The following ARID3B variants were observed in gnomAD, a reference collection of about 807,000 sequenced individuals.
ARID3B encodes AT-rich interaction domain 3B.
ARID3B carries 10 observed loss-of-function variants against 51.9 expected under a neutral mutation model. That is an observed-to-expected ratio of 0.19 (90% CI 0.12 to 0.33). The LOEUF (loss-of-function observed/expected upper bound fraction) is 0.33. ARID3B is among the 10% of genes least tolerant of loss of function. The pLI, the probability that ARID3B is intolerant of heterozygous loss-of-function variation, is 1.00. For synonymous variants in ARID3B, 205 were observed against 279.5 expected (o/e 0.73, Z 2.66); for missense variants, 483 against 716.3 (o/e 0.67, Z 3.72).
At chr15:74,562,363 A>T (rs918975428) in intron 2 of ARID3B, among the ~76,000 whole-genome samples, 7 of 151,450 alleles carry the variant, frequency 4.6e-5, no homozygotes, top group African/African-American at 1.7e-4. Flanking sequence ...CTAGTCTCGA[A>T]CTCCTGTCCT....
chr15:74,590,645 C>T (rs1282374548), intron 5 of ARID3B, among the ~76,000 whole-genome samples: 1 of 152,176 alleles, frequency 6.6e-6, no homozygotes, highest in Non-Finnish European at 1.5e-5. Context: ...GAAGAGTATG[C>T]AATGAACAAC....
chr15:74,593,014 A>G, intron 7 of ARID3B, 124 bp from the exon 8 acceptor site: 1 of 720,152 alleles, frequency 1.4e-6, no homozygotes, highest in East Asian at 2.8e-5. Flanking sequence ...ACTCAGGAGA[A>G]GGTTACATAG....
chr15:74,548,794 A>G (rs1384256781), intron 2 of ARID3B, among the ~76,000 whole-genome samples: 1 of 152,198 alleles, frequency 6.6e-6, no homozygotes, highest in Non-Finnish European at 1.5e-5. Flanking sequence ...CTCCATGACA[A>G]ATGGGAAGAA....
In ARID3B at chr15:74,551,151, C is replaced by T. The variant is rs556789712; in HGVS notation, c.552+6663C>T. Among the ~76,000 whole-genome samples, 52 of 152,276 alleles carry T rather than the reference C, an allele frequency of 3.4e-4. No homozygotes were observed. The Middle Eastern group carries it at 0.01, about 30-fold the overall frequency. The stretch of plus-strand genomic sequence containing the variant: ...TGAAAATAGTTTACATATAAGTGGA[C>T]CCAGGCAGTTCAAATCCACGTTGAA... On this transcript the variant is annotated intron_variant, in intron 2 of 8. Transcript: ENST00000346246.
At chr15:74,580,197 C>CA (rs1450411520) in intron 4 of ARID3B, among the ~76,000 whole-genome samples, 1 of 152,042 alleles carries the variant, frequency 6.6e-6, no homozygotes, top group Non-Finnish European at 1.5e-5. Context: ...AAATAAAAAA[C>CA]AAAAAACGTG....
At chr15:74,549,439 G>A (rs748894417) in intron 2 of ARID3B, among the ~76,000 whole-genome samples, 1 of 65,130 alleles carries the variant, frequency 1.5e-5, no homozygotes, top group Non-Finnish European at 2.9e-5. Flanking sequence ...GGTGGCACAC[G>A]CCTGTAGTCC....
chr15:74,577,349 G>A (rs1024819049), intron 4 of ARID3B, among the ~76,000 whole-genome samples: 15 of 151,918 alleles, frequency 9.9e-5, no homozygotes, highest in South Asian at 6.2e-4. Flanking sequence ...CAGCTACCCA[G>A]GAGGCTGAGT....
rs1192576452 is a variant in ARID3B at position 74,591,544 on chromosome 15, T to C, written c.1166-16T>C. ...AGGGTCAATTGTGGATTGGTCCAGCTCCAGTTCCTTTGCAGGTGATGGAGC... is the reference window on the plus strand; with the variant it reads ...AGGGTCAATTGTGGATTGGTCCAGCCCCAGTTCCTTTGCAGGTGATGGAGC... On this transcript the variant is annotated splice_polypyrimidine_tract_variant and intron_variant, in intron 6 of 8. Transcript: ENST00000346246. The surrounding 1 kb of genome is among the most constrained non-coding windows in gnomAD (Gnocchi z 5.8). The C allele has an allele frequency of 1.9e-6, 3 of 1,609,590 alleles. No individual in the cohort carries two copies. Among genetic ancestry groups the C allele is most frequent in the Non-Finnish European group, 2.5e-6 (3 of 1,176,568 alleles).
chr15:74,594,255 T>A (rs755978845), intron 8 of ARID3B, among the ~76,000 whole-genome samples: 1 of 152,152 alleles, frequency 6.6e-6, no homozygotes, highest in African/African-American at 2.4e-5. Flanking sequence ...GAGACCATCC[T>A]GGCTAACACA....
intron 4 of ARID3B, among the ~76,000 whole-genome samples, chr15:74,583,221 C>T (rs2061768330): frequency 1.3e-5 from 2 of 151,938 alleles, no homozygotes; most frequent in South Asian, 4.2e-4. Context: ...TTGTGAACTA[C>T]TGCTTTACGC....
At chr15:74,579,828 CGTGTGTGTGTGTGTGTGTGTGTGT>C (rs374538596) in intron 4 of ARID3B, among the ~76,000 whole-genome samples, 14 of 137,860 alleles carry the variant, frequency 1.0e-4, no homozygotes, top group East Asian at 6.4e-4. Flanking sequence ...CACCTGTTGC[CGTGTGTGTGTGTGTGTGTGTGTGT>C]GTGTGTGTGT....
rs2061604808 is a variant in ARID3B, at chr15:74,544,019, G to C, written c.83G>C (p.Arg28Thr). Residue 28 changes from arginine to threonine, a missense_variant, in exon 2 of 9, where the codon AGA becomes ACA. Coordinates refer to ENST00000346246, the MANE Select transcript of ARID3B (RefSeq NM_006465.4). ...PHLAPLQMDA[R>T]EKQGQQMREA... ...CTGGCTCCTCTGCAGATGGATGCCA[G>C]AGAGAAGCAGGGCCAGCAGATGAGA... The C allele has an allele frequency of 6.2e-7, 1 of 1,611,348 alleles. No homozygotes were observed. Among genetic ancestry groups the C allele is most frequent in the Non-Finnish European group, 8.5e-7 (1 of 1,178,940 alleles).
intron 8 of ARID3B, among the ~76,000 whole-genome samples, chr15:74,594,343 G>A (rs191837480): frequency 6.6e-6 from 1 of 152,206 alleles, no homozygotes; most frequent in Non-Finnish European, 1.5e-5. Context: ...AGCTACTCGG[G>A]AGGCTGAGGC....
intron 4 of ARID3B, among the ~76,000 whole-genome samples, chr15:74,581,409 T>C (rs963695779): frequency 6.6e-6 from 1 of 152,238 alleles, no homozygotes; most frequent in Non-Finnish European, 1.5e-5. Context: ...TTCTTGTATA[T>C]TCTTTGTATC....
chr15:74,587,589 T>C (rs2061786050), intron 4 of ARID3B, among the ~76,000 whole-genome samples: 1 of 152,124 alleles, frequency 6.6e-6, no homozygotes, highest in Non-Finnish European at 1.5e-5. Flanking sequence ...TTAGGAGCCC[T>C]GTGTGAGGGG....
intron 2 of ARID3B, among the ~76,000 whole-genome samples, chr15:74,545,423 C>G (rs2061612201): frequency 2.0e-5 from 3 of 152,146 alleles, no homozygotes; most frequent in Admixed American, 6.5e-5. Context: ...AGTTAGGGAG[C>G]TTTTTAAAAA....
At chr15:74,563,071 C>T (rs12438386) in intron 2 of ARID3B, among the ~76,000 whole-genome samples, 3 of 152,194 alleles carry the variant, frequency 2.0e-5, no homozygotes, top group Non-Finnish European at 2.9e-5. Context: ...AGTTTATTCC[C>T]GTTGGCTTGT....
chr15:74,579,828 CGTGTGTGTGTGTGTGTGT>C lies in ARID3B; in HGVS notation c.697+6652_697+6669del, dbSNP rs374538596. On this transcript the variant is annotated intron_variant, in intron 4 of 8. Transcript: ENST00000346246. ...ATGCCCCTTTGGGCTCACCTGTTGC[CGTGTGTGTGTGTGTGTGT>C]GTGTGTGTGTGTGTGTGTGTGTGTG... Among the ~76,000 whole-genome samples the C allele has an allele frequency of 3.0e-3, 416 of 137,860 alleles. 10 individuals are homozygous for C. The highest frequency in any genetic ancestry group is 0.03 in the South Asian group (127 of 4,246). 90.4% of individuals were successfully genotyped at this position (137,860 alleles called of 152,430 possible).
intron 5 of ARID3B, among the ~76,000 whole-genome samples, 169 bp from the exon 6 acceptor site, chr15:74,590,982 G>A (rs62005806): frequency 0.041 from 6,189 of 152,248 alleles, 188 homozygotes; most frequent in Non-Finnish European, 0.062. Flanking sequence ...AGGAGGCTGG[G>A]GCAGAGTGTC....
Sources: allele counts gnomAD v4.1 joint callset (sites outside exome capture counted in the v4.1 genomes callset), GRCh38; gene constraint gnomAD v4.1.1; non-coding constraint Gnocchi (gnomAD v3.1); transcripts MANE v1.5; gene names NCBI Gene and HGNC (gene_info 2026-07-23, HGNC 2026-07-21).